Variants in BBS9 observed in about 807,000 individuals in gnomAD.
The protein encoded by BBS9 is protein PTHB1.
A neutral mutation model predicts 117.7 loss-of-function variants in BBS9; 89 were observed. The observed-to-expected ratio is 0.76, with a 90% CI of 0.64 to 0.90. The LOEUF (loss-of-function observed/expected upper bound fraction) is 0.90. Ranked by LOEUF, BBS9 falls within the 40% of genes least tolerant of loss-of-function variation. The probability of loss-of-function intolerance (pLI) is 0.00; values close to 1 mark genes in which losing one functional copy is unlikely to be tolerated. For missense variants in BBS9, 982 were observed against 1,042.2 expected, an observed-to-expected ratio of 0.94 and a Z score of 0.80; for synonymous variants, 379 against 370.9, an observed-to-expected ratio of 1.02 and a Z score of -0.25.
intron 9 of BBS9, among the ~76,000 whole-genome samples, chr7:33,319,966 A>C (rs528975981): frequency 2.6e-5 from 4 of 152,294 alleles, no homozygotes; most frequent in East Asian, 1.9e-4. Context: ...AAGTATTTTT[A>C]ATTTTTGTGG....
intron 1 of BBS9, among the ~76,000 whole-genome samples, chr7:33,131,135 A>G (rs1007656322): frequency 6.6e-6 from 1 of 152,200 alleles, no homozygotes; most frequent in Admixed American, 6.5e-5. Flanking sequence ...TTCGGTCCAG[A>G]GGGTGAGTTT....
chr7:33,562,343 G>A (rs1414046731), intron 21 of BBS9, among the ~76,000 whole-genome samples: 1 of 152,144 alleles, frequency 6.6e-6, no homozygotes. Flanking sequence ...CTTTTTAAAT[G>A]TGCATGTCTG....
At position 33,453,207 on chromosome 7, in the gene BBS9, T is replaced by C. The variant is rs937178019; in HGVS notation, c.2116-52256T>C. Among the ~76,000 whole-genome samples, 7 of 152,172 alleles carry C rather than the reference T, an allele frequency of 4.6e-5. No homozygotes were observed. In the East Asian group the frequency reaches 1.2e-3, roughly 25 times the overall value. ...TCTTTTTGCTCTTTGCATGGTCTTATGTTGTGGAGGATTCAGATTTTTTTA... is the reference window on the plus strand; with the variant it reads ...TCTTTTTGCTCTTTGCATGGTCTTACGTTGTGGAGGATTCAGATTTTTTTA... On this transcript the variant is annotated intron_variant, in intron 19 of 22. Coordinates refer to ENST00000242067, the MANE Select transcript of BBS9 (RefSeq NM_198428.3).
chr7:33,485,283 A>G (rs1362629969), intron 19 of BBS9, among the ~76,000 whole-genome samples: 1 of 150,644 alleles, frequency 6.6e-6, no homozygotes, highest in East Asian at 1.9e-4. Context: ...CATCCCATGC[A>G]TGTACCCTGG....
intron 9 of BBS9, among the ~76,000 whole-genome samples, chr7:33,313,142 G>C (rs1340684994): frequency 6.6e-6 from 1 of 150,798 alleles, no homozygotes; most frequent in African/African-American, 2.4e-5. Context: ...TTCCCTTATT[G>C]AATTCTTGCT....
At chr7:33,581,690 A>T (rs1207192613) in intron 21 of BBS9, among the ~76,000 whole-genome samples, 1 of 152,168 alleles carries the variant, frequency 6.6e-6, no homozygotes, top group Non-Finnish European at 1.5e-5. Flanking sequence ...TTCCAGAATG[A>T]TGATAGCCAC....
chr7:33,520,798 GC>G, intron 20 of BBS9, among the ~76,000 whole-genome samples: 1 of 152,262 alleles, frequency 6.6e-6, no homozygotes, highest in East Asian at 1.9e-4. Flanking sequence ...TCTTTCTTGG[GC>G]CTCCATTGTC....
intron 19 of BBS9, among the ~76,000 whole-genome samples, chr7:33,425,909 C>A (rs1833591888): frequency 6.6e-6 from 1 of 152,124 alleles, no homozygotes; most frequent in Non-Finnish European, 1.5e-5. Context: ...AAAGTAAGCA[C>A]AAACAGAAAC....
At chr7:33,160,299 G>A (rs12669574) in intron 4 of BBS9, among the ~76,000 whole-genome samples, 26,770 of 152,132 alleles carry the variant, frequency 0.18, 2,783 homozygotes, top group East Asian at 0.43. Context: ...TCTTTAACCT[G>A]TGACGTAGGT....
At chr7:33,409,995 G>A (rs188799851) in intron 19 of BBS9, among the ~76,000 whole-genome samples, 2 of 152,036 alleles carry the variant, frequency 1.3e-5, no homozygotes, top group East Asian at 3.9e-4. Flanking sequence ...AACCTTAGGA[G>A]TGCTATGATT....
intron 9 of BBS9, among the ~76,000 whole-genome samples, chr7:33,292,505 G>T (rs1234545314): frequency 3.3e-5 from 5 of 152,086 alleles, no homozygotes; most frequent in African/African-American, 1.2e-4. Context: ...GGGATTACAG[G>T]CATGACCCAC....
intron 20 of BBS9, among the ~76,000 whole-genome samples, chr7:33,530,676 G>T (rs912179297): frequency 1.3e-5 from 2 of 152,170 alleles, no homozygotes; most frequent in Admixed American, 6.5e-5. Context: ...TTTGGTAGTA[G>T]TAAAGAGATG....
At chr7:33,408,668 G>A (rs960914391) in intron 19 of BBS9, among the ~76,000 whole-genome samples, 1 of 152,140 alleles carries the variant, frequency 6.6e-6, no homozygotes, top group Non-Finnish European at 1.5e-5. Flanking sequence ...ATGTGGTGAT[G>A]AACATATGGG....
chr7:33,234,150 T>A (rs73688090), intron 5 of BBS9, among the ~76,000 whole-genome samples: 2,616 of 152,164 alleles, frequency 0.017, 62 homozygotes, highest in African/African-American at 0.059. Flanking sequence ...TTTTACTGAA[T>A]AATGGCCCCA....
intron 12 of BBS9, among the ~76,000 whole-genome samples, chr7:33,344,925 A>G (rs149513898): frequency 2.9e-4 from 44 of 152,330 alleles, no homozygotes; most frequent in Admixed American, 1.7e-3. Flanking sequence ...TTTGGAAATA[A>G]AGTTAACATT....
intron 19 of BBS9, among the ~76,000 whole-genome samples, chr7:33,469,558 C>T (rs1840680434): frequency 6.6e-6 from 1 of 152,082 alleles, no homozygotes; most frequent in Non-Finnish European, 1.5e-5. Context: ...TATTTTTTAA[C>T]TAAGATGCAG....
chr7:33,282,990 T>C (rs1802192228), intron 9 of BBS9, among the ~76,000 whole-genome samples: 1 of 152,196 alleles, frequency 6.6e-6, no homozygotes, highest in African/African-American at 2.4e-5. Flanking sequence ...TTTGTCAAAA[T>C]TTAAAACACT....
intron 5 of BBS9, among the ~76,000 whole-genome samples, chr7:33,247,911 GC>G (rs1240403923): frequency 6.6e-6 from 1 of 151,644 alleles, no homozygotes; most frequent in Non-Finnish European, 1.5e-5. Flanking sequence ...CACATATAAT[GC>G]TAATTTAATC....
intron 9 of BBS9, among the ~76,000 whole-genome samples, chr7:33,333,334 C>T (rs1412685702): frequency 2.0e-5 from 3 of 152,148 alleles, no homozygotes; most frequent in Non-Finnish European, 2.9e-5. Flanking sequence ...AGTTACTTCA[C>T]TTAGAATAAT....
Sources: gnomAD v4.1 joint callset for allele counts (sites outside exome capture counted in the v4.1 genomes callset) on GRCh38, gnomAD v4.1.1 for gene constraint, MANE v1.5 for transcripts, NCBI Gene and HGNC (gene_info 2026-07-23, HGNC 2026-07-21) for gene names.